USP54: variants seen among roughly 807,000 people sequenced by gnomAD.
USP54 encodes ubiquitin carboxyl-terminal hydrolase 54.
USP54 carries 87 observed loss-of-function variants against 170.5 expected under a neutral mutation model. That is an observed-to-expected ratio of 0.51 (90% CI 0.43 to 0.61). The LOEUF is 0.61. Ranked by LOEUF, USP54 falls within the 20% of genes least tolerant of loss-of-function variation. USP54 has a pLI of 0.00. For missense variants in USP54, 1,786 were observed against 2,047.8 expected (o/e 0.87, Z 2.47); for synonymous variants, 655 against 742.8 (o/e 0.88, Z 1.92).
chr10:73,545,411 G>C, intron 5 of USP54, 127 bp downstream of exon 5: 1 of 1,270,956 alleles, frequency 7.9e-7, no homozygotes, highest in Non-Finnish European at 1.1e-6. Flanking sequence ...TGAAAAATCA[G>C]AGAAAACTCC....
In USP54 at chr10:73,498,804, C is replaced by T. The variant is rs754158099; in HGVS notation, c.4880G>A (p.Arg1627Gln). The change falls in exon 24 of 24, where the codon CGA becomes CAA. Residue 1627 changes from arginine to glutamine, a missense_variant. By Grantham distance (43) the Arg-to-Gln change is conservative. This residue lies in a region of USP54 where 1,418 missense variants were observed against 1,569.0 expected (regional missense o/e 0.90). Transcript: ENST00000687698. The part of the protein sequence containing the change: ...AWNSDPVPGS[R>Q]TPGPRRVDMP... The stretch of plus-strand genomic sequence containing the variant: ...ATCTACTCTTCGAGGACCAGGGGTT[C>T]GGGACCCTGGAACAGGATCTGAATT... 27 of 1,582,904 alleles carry T rather than the reference C, an allele frequency of 1.7e-5. No homozygotes were observed. Among genetic ancestry groups the T allele is most frequent in the African/African-American group, 2.7e-5 (2 of 73,546 alleles).
At chr10:73,544,731 T>G (rs962986845) in intron 5 of USP54, among the ~76,000 whole-genome samples, 3 of 152,174 alleles carry the variant, frequency 2.0e-5, no homozygotes, top group Non-Finnish European at 4.4e-5. Flanking sequence ...TTTTTTCTTT[T>G]GAGACAGAGT....
intron 20 of USP54, among the ~76,000 whole-genome samples, chr10:73,508,296 A>G (rs1486493140): frequency 1.3e-5 from 2 of 151,862 alleles, no homozygotes; most frequent in African/African-American, 4.8e-5. Flanking sequence ...AGTCCCAGCT[A>G]CTCGGGAGGC....
chr10:73,515,458 C>T (rs542599629), intron 20 of USP54, among the ~76,000 whole-genome samples: 1 of 152,194 alleles, frequency 6.6e-6, no homozygotes, highest in Non-Finnish European at 1.5e-5. Context: ...ATTTCCAGAA[C>T]TGACTATGAT....
chr10:73,563,536 C>G (rs1325469669), intron 4 of USP54, among the ~76,000 whole-genome samples: 1 of 151,788 alleles, frequency 6.6e-6, no homozygotes, highest in Non-Finnish European at 1.5e-5. Flanking sequence ...CCTCCGGGTT[C>G]AAGTGATTCT....
intron 11 of USP54, 189 bp downstream of exon 11, chr10:73,536,080 T>A: frequency 1.4e-6 from 1 of 713,442 alleles, no homozygotes; most frequent in South Asian, 1.8e-5. Context: ...CAACACTGTT[T>A]TGACAACTGA....
intron 1 of USP54, among the ~76,000 whole-genome samples, chr10:73,597,141 T>A (rs1424129876): frequency 6.6e-6 from 1 of 152,226 alleles, no homozygotes; most frequent in Non-Finnish European, 1.5e-5. Context: ...ACTTCCAAGC[T>A]GTCCTTGTTC....
chr10:73,539,103 ACT>A, intron 10 of USP54, among the ~76,000 whole-genome samples: 1 of 151,878 alleles, frequency 6.6e-6, no homozygotes, highest in South Asian at 2.1e-4. Context: ...ACATAGTGAA[ACT>A]CTGTCTCTAC....
At chr10:73,621,988 G>C (rs1406230106) in intron 1 of USP54, among the ~76,000 whole-genome samples, 4 of 152,036 alleles carry the variant, frequency 2.6e-5, no homozygotes, top group African/African-American at 9.7e-5. Context: ...CTGGTGTCCT[G>C]GCCAGTTCCA....
chr10:73,583,882 T>C (rs2077174568), intron 1 of USP54, among the ~76,000 whole-genome samples: 2 of 152,214 alleles, frequency 1.3e-5, no homozygotes, highest in Non-Finnish European at 2.9e-5. Flanking sequence ...TATTAATTCC[T>C]GGTTCTGATA....
chr10:73,593,992 T>G (rs913323965), upstream of USP54, among the ~76,000 whole-genome samples: 2 of 152,144 alleles, frequency 1.3e-5, no homozygotes, highest in Non-Finnish European at 2.9e-5. Flanking sequence ...ATTTCTGAGA[T>G]GCTAATGATA....
At chr10:73,543,617 CAGG>C (rs2067100050) in intron 5 of USP54, among the ~76,000 whole-genome samples, 1 of 152,208 alleles carries the variant, frequency 6.6e-6, no homozygotes, top group Non-Finnish European at 1.5e-5. Context: ...CCGCCCGCCC[CAGG>C]CTCCCAAAGT....
In USP54 at chr10:73,545,625, AG is replaced by A. The variant is rs2067617424; in HGVS notation, c.287del (p.Ser96LeufsTer34). The A allele has an allele frequency of 6.2e-7, 1 of 1,614,110 alleles. No homozygotes were observed. The highest frequency in any genetic ancestry group is 8.5e-7 in the Non-Finnish European group (1 of 1,180,030). On this transcript the variant is annotated frameshift_variant, in exon 5 of 24. Transcript: ENST00000687698. LOFTEE classifies it high-confidence loss of function. ...TTGCCAGAGCACTGCGGAGAGTGTCAGATGGAAGCACTTTTTCACTACTACA... is the reference window on the plus strand; with the variant it reads ...TTGCCAGAGCACTGCGGAGAGTGTCAATGGAAGCACTTTTTCACTACTACA... ...FQCSSEKVLPSDTLRSALAKT... is the reference protein window; with the variant it reads ...FQCSSEKVLPXDTLRSALAKT...
intron 4 of USP54, among the ~76,000 whole-genome samples, chr10:73,564,522 T>A (rs534316442): frequency 5.1e-4 from 78 of 152,206 alleles, no homozygotes; most frequent in African/African-American, 1.8e-3. Flanking sequence ...TACCACATTA[T>A]CTTAATTATT....
chr10:73,615,647 A>G (rs959432394), intron 1 of USP54, among the ~76,000 whole-genome samples: 2 of 150,430 alleles, frequency 1.3e-5, no homozygotes, highest in Non-Finnish European at 2.9e-5. Flanking sequence ...AAAGCTGGGC[A>G]TAGTGGCTCA....
intron 1 of USP54, among the ~76,000 whole-genome samples, chr10:73,588,310 C>T (rs899645981): frequency 1.3e-5 from 2 of 152,204 alleles, no homozygotes; most frequent in African/African-American, 4.8e-5. Flanking sequence ...ACCTCCGCCT[C>T]GCAGACTCAA....
intron 4 of USP54, among the ~76,000 whole-genome samples, chr10:73,549,896 G>A (rs944076814): frequency 6.6e-6 from 1 of 152,122 alleles, no homozygotes; most frequent in Admixed American, 6.6e-5. Context: ...AAGTCCTTAC[G>A]TAATCTGGCC....
chr10:73,534,579 A>T (rs752106229), intron 12 of USP54, 21 bp downstream of exon 12: 1 of 1,610,156 alleles, frequency 6.2e-7, no homozygotes, highest in South Asian at 1.1e-5. Flanking sequence ...GGCAAGCAGG[A>T]CCCTCTGTAT....
chr10:73,518,233 C>G, intron 19 of USP54: 1 of 985,354 alleles, frequency 1.0e-6, no homozygotes, highest in Non-Finnish European at 1.2e-6. Flanking sequence ...TATGAGGCCA[C>G]ATTTACAAAA....
Sources: allele counts gnomAD v4.1 joint callset (sites outside exome capture counted in the v4.1 genomes callset), GRCh38; gene constraint gnomAD v4.1.1; regional missense constraint gnomAD v4.1.1; transcripts MANE v1.5; gene names NCBI Gene and HGNC (gene_info 2026-07-23, HGNC 2026-07-21).